MYH6: variants seen among roughly 807,000 people sequenced by gnomAD.
MYH6 encodes myosin-6.
In MYH6, 126 loss-of-function variants were observed where a neutral mutation model predicts 223.2. The observed-to-expected ratio is 0.56, with a 90% confidence interval of 0.49 to 0.65. MYH6 has a LOEUF of 0.65. MYH6 is among the 30% of genes least tolerant of loss of function. The pLI is 0.00. For synonymous variants in MYH6, 978 were observed against 1,010.2 expected, an observed-to-expected ratio of 0.97 and a Z score of 0.61; for missense variants, 2,040 against 2,536.4, an observed-to-expected ratio of 0.80 and a Z score of 4.20.
chr14:23,383,393 T>C (rs569589557), intron 36 of MYH6, 73 bp from the exon 37 acceptor site: 2 of 1,202,394 alleles, frequency 1.7e-6, no homozygotes, highest in African/African-American at 1.5e-5. Context: ...CCTCCATCAT[T>C]TTACTCTTCT....
At position 23,400,784 on chromosome 14, in the gene MYH6, G is replaced by A. The variant is rs61731179; in HGVS notation, c.1335C>T (p.Asn445=). 0.055 allele frequency: 88,154 copies of A among 1,614,236 alleles called. 2,878 individuals are homozygous for A. The highest frequency in any genetic ancestry group is 0.11 in the Middle Eastern group (653 of 6,062). The change falls in exon 13 of 39, where the codon AAC becomes AAT. Residue 445 remains asparagine (N), a synonymous_variant. Transcript: ENST00000405093. ...KMFNWMVTRI[N]ATLETKQPRQ... ...GTGGCTGCTTGGTCTCCAGGGTGGC[G>A]TTGATGCGCGTCACCATCCAGTTGA...
intron 14 of MYH6, 143 bp downstream of exon 14, chr14:23,400,113 T>A (rs1419833775): frequency 1.6e-6 from 2 of 1,269,320 alleles, no homozygotes; most frequent in Non-Finnish European, 2.3e-6. Flanking sequence ...TTCATGCCCA[T>A]GACTTCACAG....
chr14:23,397,851 C>T (rs879723466), intron 15 of MYH6, among the ~76,000 whole-genome samples: 1 of 152,156 alleles, frequency 6.6e-6, no homozygotes, highest in Non-Finnish European at 1.5e-5. Context: ...TGACATACAT[C>T]AGTGCCCTTA....
chr14:23,405,040 A>T lies in MYH6; in HGVS notation c.530+60T>A. 3 of 1,605,872 alleles carry T rather than the reference A, an allele frequency of 1.9e-6. No individual in the cohort carries two copies. Among genetic ancestry groups the T allele is most frequent in the Non-Finnish European group, 2.6e-6 (3 of 1,172,554 alleles). On this transcript the variant is annotated intron_variant, in intron 6 of 38. Transcript: ENST00000405093. This position sits in a 1 kb window ranked among gnomAD's most constrained non-coding sequence, Gnocchi z 4.7. ...AAACCTCTCCTCCCAACTACACCCT[A>T]GGCATCAGCGTGTATGCCCCCAGCC...
In MYH6 at chr14:23,396,363, TC is replaced by T. The variant is rs1166437811; in HGVS notation, c.2349del (p.Ser784AlafsTer23). On this transcript the variant is annotated frameshift_variant, in exon 20 of 39. Coordinates refer to ENST00000405093, the MANE Select transcript of MYH6 (RefSeq NM_002471.4). LOFTEE classifies it high-confidence loss of function. Reference protein sequence around the residue: ...GLLEEMRDERLSRIITRMQAQ... With the variant: ...GLLEEMRDERXSRIITRMQAQ... ...GCCTGCATGCGCGTGATGATGCGGC[TC>T]AGCCTCTCATCCCGCATCTCCTCCA... 5 of 1,613,982 alleles carry T rather than the reference TC, an allele frequency of 3.1e-6. No individual in the cohort carries two copies. Among genetic ancestry groups the T allele is most frequent in the African/African-American group, 2.7e-5 (2 of 74,944 alleles).
chr14:23,384,513 G>C lies in MYH6; in HGVS notation c.5494C>G (p.Gln1832Glu). Reference protein sequence around the residue: ...RELEGELEAEQKRNAESVKGM... With the variant: ...RELEGELEAEEKRNAESVKGM... The stretch of plus-strand genomic sequence containing the variant: ...TTCACCGACTCTGCGTTGCGCTTCT[G>C]CTCGGCCTCCAGCTCACCCTCCAGC... Residue 1832 changes from glutamine (Q) to glutamate (E), a missense_variant, in exon 36 of 39, where the codon CAG (glutamine) becomes GAG (glutamate). Gln to Glu is a conservative substitution (Grantham distance 29). This residue lies in a region of MYH6 where 1,203 missense variants were observed against 1,400.2 expected (regional missense o/e 0.86). Coordinates refer to ENST00000405093, the MANE Select transcript of MYH6 (RefSeq NM_002471.4). The C allele has an allele frequency of 6.2e-7, 1 of 1,613,184 alleles. No individual in the cohort carries two copies.
In MYH6 at chr14:23,398,492, A is replaced by G. The variant is rs536034706; in HGVS notation, c.1891+236T>C. Among the ~76,000 whole-genome samples the G allele has an allele frequency of 2.0e-5, 3 of 152,308 alleles. No homozygotes were observed. The South Asian group carries it at 6.2e-4, about 32-fold the overall frequency. ...GCATGTGCCACCCTCACTGACCTCCAGTTACTCCCCATCTTGAGGAAACAT... is the reference window on the plus strand; with the variant it reads ...GCATGTGCCACCCTCACTGACCTCCGGTTACTCCCCATCTTGAGGAAACAT... On this transcript the variant is annotated intron_variant, in intron 15 of 38. Transcript: ENST00000405093.
At position 23,383,339 on chromosome 14, in the gene MYH6, G is replaced by GGCCCCCCCCCC; in HGVS notation, c.5566-20_5566-19insGGGGGGGGGGC. ...CCTCTGTCTGGGGGTGGGAGGGTGGGAGAAGCTGGTTTGGAGGGGGAGCAA... is the reference window on the plus strand; with the variant it reads ...CCTCTGTCTGGGGGTGGGAGGGTGGGGCCCCCCCCCCAGAAGCTGGTTTGGAGGGGGAGCAA... On this transcript the variant is annotated intron_variant, in intron 36 of 38. Coordinates refer to ENST00000405093, the MANE Select transcript of MYH6 (RefSeq NM_002471.4). 2 of 108,192 alleles carry GGCCCCCCCCCC rather than the reference G, an allele frequency of 1.8e-5. No homozygotes were observed. Among genetic ancestry groups the GGCCCCCCCCCC allele is most frequent in the East Asian group, 2.3e-4 (1 of 4,406 alleles). The allele number at this position is 108,192 out of a possible 1,614,324, so 6.7% of individuals were successfully genotyped here. A position where few individuals can be genotyped will look rare whatever the true frequency, so the allele number is the denominator to read the frequency against.
At chr14:23,403,582 T>A (rs1891679995) in intron 9 of MYH6, 133 bp downstream of exon 9, 4 of 1,191,746 alleles carry the variant, frequency 3.4e-6, no homozygotes, top group Non-Finnish European at 5.0e-6. Flanking sequence ...GTGGCTTAAA[T>A]AAAAAGGATC....
rs137983703 is a variant in MYH6, at chr14:23,388,196, C to G, written c.4318G>C (p.Ala1440Pro). 9.9e-6 allele frequency: 16 copies of G among 1,612,374 alleles called. No homozygotes were observed. The highest frequency in any genetic ancestry group is 1.4e-5 in the Non-Finnish European group (16 of 1,180,038). ...LMVDVERSNA[A>P]AAALDKKQRN... ...TGCTTCTTGTCCAGGGCTGCAGCAG[C>G]AGCATTGGAGCGCTCTACGTCCACC... Residue 1440 changes from alanine to proline, a missense_variant, in exon 30 of 39, where the codon GCT becomes CCT. Ala to Pro is a conservative substitution (Grantham distance 27). Around this residue, in one of 4 missense-constraint regions of MYH6, gnomAD observed 1,203 missense variants for 1,400.2 expected, o/e 0.86. Transcript: ENST00000405093.
At chr14:23,397,953 T>C (rs557351240) in intron 15 of MYH6, among the ~76,000 whole-genome samples, 955 of 90,206 alleles carry the variant, frequency 0.011, 10 homozygotes, top group African/African-American at 0.023. Flanking sequence ...CTTCTTCTTC[T>C]TCTTCTTCTT....
chr14:23,386,695 A>G (rs1359250205), intron 32 of MYH6, 72 bp from the exon 33 acceptor site: 1 of 1,518,850 alleles, frequency 6.6e-7, no homozygotes, highest in Admixed American at 1.9e-5. Flanking sequence ...GAGAAGATAC[A>G]CGGTGTCAGC....
intron 10 of MYH6, 67 bp from the exon 11 acceptor site, chr14:23,402,867 GTTGGGAAAGGGAGGGAGGGGCA>G: frequency 5.0e-6 from 3 of 598,818 alleles, no homozygotes; most frequent in Admixed American, 4.3e-5. Context: ...GGCAGGTAGA[GTTGGGAAAGGGAGGGAGGGGCA>G]GGGAGGGGTA....
At chr14:23,404,667 GC>G (rs774683021) in intron 7 of MYH6, 43 bp downstream of exon 7, 1 of 1,569,108 alleles carries the variant, frequency 6.4e-7, no homozygotes. Context: ...GGGTCAGCCT[GC>G]CCCCCAACCC....
intron 12 of MYH6, among the ~76,000 whole-genome samples, chr14:23,401,351 GCCAAGA>G (rs1891595713): frequency 6.6e-6 from 1 of 152,236 alleles, no homozygotes; most frequent in Admixed American, 6.5e-5. Flanking sequence ...CTGTCCTGGG[GCCAAGA>G]CTTTAGGAAG....
chr14:23,394,445 C>T, intron 20 of MYH6, 122 bp from the exon 21 acceptor site: 1 of 1,271,342 alleles, frequency 7.9e-7, no homozygotes, highest in Non-Finnish European at 1.1e-6. Context: ...CCTCCAACAT[C>T]ACTACACTGA....
chr14:23,406,903 G>T, intron 3 of MYH6, 120 bp downstream of exon 3: 2 of 1,098,708 alleles, frequency 1.8e-6, no homozygotes, highest in Non-Finnish European at 2.8e-6. Context: ...GCATGTCCTG[G>T]CATCCCCACT....
chr14:23,389,756 G>A (rs1246743333), intron 26 of MYH6, 37 bp from the exon 27 acceptor site: 1 of 1,614,102 alleles, frequency 6.2e-7, no homozygotes, highest in Non-Finnish European at 8.5e-7. Flanking sequence ...AGTGTGGGAG[G>A]GGCTGAGTCG....
rs374929884 is a variant in MYH6, at chr14:23,385,913, T to C, written c.5163+15A>G. 115 of 1,614,024 alleles carry C rather than the reference T, an allele frequency of 7.1e-5. No homozygotes were observed. Among genetic ancestry groups the C allele is most frequent in the Non-Finnish European group, 8.8e-5 (104 of 1,180,036 alleles). On this transcript the variant is annotated intron_variant, in intron 34 of 38. Coordinates refer to ENST00000405093, the MANE Select transcript of MYH6 (RefSeq NM_002471.4). ...ACTCAGTAGGTTTCCACAAGGTGGC[T>C]CCTGACCCCCTCACCTGGGAATGCA... is the stretch of plus-strand genomic sequence containing the variant.
Sources: gnomAD v4.1 joint callset for allele counts (sites outside exome capture counted in the v4.1 genomes callset) on GRCh38, gnomAD v4.1.1 for gene constraint, gnomAD v4.1.1 regional missense constraint, Gnocchi (gnomAD v3.1) non-coding constraint, MANE v1.5 for transcripts, NCBI Gene and HGNC (gene_info 2026-07-23, HGNC 2026-07-21) for gene names.